LHFPL7: variants seen among roughly 807,000 people sequenced by gnomAD.
The protein encoded by LHFPL7 is LHFPL tetraspan subfamily member 7, also known as LHFPL tetraspan subfamily member 7 protein.
At chr22:24,941,325 C>T in the LHFPL7 span, among the ~76,000 whole-genome samples, 2 of 151,940 alleles carry the variant, frequency 1.3e-5, no homozygotes, top group African/African-American at 4.8e-5. Context: ...CATGCCACCA[C>T]ACCTGGCTAA....
the LHFPL7 span, chr22:24,935,654 C>T: frequency 1.0e-5 from 16 of 1,555,616 alleles, no homozygotes; most frequent in Non-Finnish European, 1.4e-5. Context: ...ACTAACTTTC[C>T]ATCCCACGAC....
chr22:24,937,455 G>C, the LHFPL7 span, among the ~76,000 whole-genome samples: 1 of 152,212 alleles, frequency 6.6e-6, no homozygotes, highest in Non-Finnish European at 1.5e-5. Context: ...GCTACGGTAA[G>C]AAGTTCAGAT....
the LHFPL7 span, chr22:24,939,660 A>AGATCATCAGCCCCCC: frequency 4.6e-6 from 3 of 653,562 alleles, no homozygotes; most frequent in East Asian, 5.5e-5. Context: ...ATCAGACCCC[A>AGATCATCAGCCCCCC]GATCATCAGC....
At chr22:24,939,904 G>A in the LHFPL7 span, among the ~76,000 whole-genome samples, 4 of 141,802 alleles carry the variant, frequency 2.8e-5, no homozygotes, top group African/African-American at 5.3e-5. Flanking sequence ...TCATTTGTTC[G>A]TTCGTTCATT....
the LHFPL7 span, among the ~76,000 whole-genome samples, chr22:24,943,254 G>A: frequency 6.6e-6 from 1 of 152,122 alleles, no homozygotes; most frequent in African/African-American, 2.4e-5. Context: ...CTGTCCAGGC[G>A]TTTCTCACCT....
chr22:24,940,663 T>TTCCTTCCTTCCTTCCTTCCC, the LHFPL7 span, among the ~76,000 whole-genome samples: 12 of 122,476 alleles, frequency 9.8e-5, no homozygotes, highest in African/African-American at 3.9e-4. Context: ...CCTTCCTTCC[T>TTCCTTCCTTCCTTCCTTCCC]TCCTTCCTTC....
the LHFPL7 span, among the ~76,000 whole-genome samples, chr22:24,945,353 A>G: frequency 3.2e-4 from 48 of 152,102 alleles, no homozygotes; most frequent in Admixed American, 2.7e-3. Flanking sequence ...TCAGAAGATG[A>G]CTCGTCAGTC....
At chr22:24,941,930 G>A in the LHFPL7 span, among the ~76,000 whole-genome samples, 2 of 151,958 alleles carry the variant, frequency 1.3e-5, no homozygotes, top group African/African-American at 4.8e-5. Context: ...CTCCTAAAGT[G>A]CTGGGATTAC....
At chr22:24,940,763 C>T in the LHFPL7 span, among the ~76,000 whole-genome samples, 662 of 142,870 alleles carry the variant, frequency 4.6e-3, 7 homozygotes, top group African/African-American at 0.016. Context: ...CCCTCCCTCC[C>T]TCCTTCCTTC....
the LHFPL7 span, among the ~76,000 whole-genome samples, chr22:24,941,979 T>TTTTATTTATTTATTTATTTATTTATTTA: frequency 2.1e-5 from 3 of 145,888 alleles, no homozygotes; most frequent in African/African-American, 7.8e-5. Context: ...TTCAAATGTA[T>TTTTATTTATTTATTTATTTATTTATTTA]TTTATTTATT....
the LHFPL7 span, among the ~76,000 whole-genome samples, chr22:24,942,179 A>G: frequency 6.6e-6 from 1 of 151,348 alleles, no homozygotes; most frequent in Admixed American, 6.6e-5. Flanking sequence ...TATTTTTAGT[A>G]GAGACGGGGT....
the LHFPL7 span, chr22:24,938,199 A>C: frequency 2.4e-5 from 39 of 1,614,132 alleles, no homozygotes; most frequent in Non-Finnish European, 3.3e-5. Flanking sequence ...CCTTGGGCAC[A>C]GCCCTTTGGG....
At chr22:24,942,212 T>G in the LHFPL7 span, among the ~76,000 whole-genome samples, 2 of 152,014 alleles carry the variant, frequency 1.3e-5, no homozygotes, top group African/African-American at 4.8e-5. Context: ...GCCAGGATGG[T>G]CTCGATCTCC....
chr22:24,941,911 C>T, the LHFPL7 span, among the ~76,000 whole-genome samples: 6 of 152,062 alleles, frequency 3.9e-5, no homozygotes, highest in East Asian at 1.9e-4. Context: ...GTGATCCGCA[C>T]GCCTCGGACT....
chr22:24,940,968 G>T, the LHFPL7 span, among the ~76,000 whole-genome samples: 1 of 151,778 alleles, frequency 6.6e-6, no homozygotes, highest in African/African-American at 2.4e-5. Flanking sequence ...TGGCTAATTA[G>T]AAACCTTTTT....
chr22:24,940,673 CCCTCCTTCCT>C, the LHFPL7 span, among the ~76,000 whole-genome samples: 3 of 124,236 alleles, frequency 2.4e-5, no homozygotes, highest in East Asian at 8.6e-4. Context: ...TTCCTTCCTT[CCCTCCTTCCT>C]TCTCTCTCCC....
the LHFPL7 span, among the ~76,000 whole-genome samples, chr22:24,939,718 C>A: frequency 6.6e-6 from 1 of 152,042 alleles, no homozygotes; most frequent in Non-Finnish European, 1.5e-5. Context: ...TAACTGTGGT[C>A]TGGTAGTGGG....
the LHFPL7 span, among the ~76,000 whole-genome samples, chr22:24,936,631 C>G: frequency 1.3e-5 from 2 of 152,162 alleles, no homozygotes; most frequent in African/African-American, 4.8e-5. Context: ...CTCCAGCCAC[C>G]CTTGTCTACT....
chr22:24,940,388 T>C, the LHFPL7 span, among the ~76,000 whole-genome samples: 1 of 147,874 alleles, frequency 6.8e-6, no homozygotes, highest in Admixed American at 6.7e-5. Flanking sequence ...GGTCAGGAGA[T>C]CGAGAACATC....
Sources: allele counts gnomAD v4.1 joint callset (sites outside exome capture counted in the v4.1 genomes callset), GRCh38; gene constraint gnomAD v4.1.1; transcripts MANE v1.5; gene names NCBI Gene and HGNC (gene_info 2026-07-23, HGNC 2026-07-21).